The following SUSD5 variants were observed in gnomAD, a reference collection of about 807,000 sequenced individuals.
SUSD5 encodes the protein sushi domain containing 5.
SUSD5 carries 33 observed loss-of-function variants against 29.5 expected under a neutral mutation model. The ratio of observed to expected loss-of-function variants is 1.12; its 90% CI spans 0.85 to 1.49. The LOEUF is 1.49. SUSD5 is among the 40% of genes most tolerant of loss of function. The pLI is 0.00. For missense variants in SUSD5, 776 were observed against 800.6 expected (o/e 0.97, Z 0.37); for synonymous variants, 308 against 325.3 (o/e 0.95, Z 0.57).
intron 4 of SUSD5, among the ~76,000 whole-genome samples, chr3:33,171,296 G>A (rs527327239): frequency 4.6e-5 from 7 of 151,748 alleles, no homozygotes; most frequent in African/African-American, 1.5e-4. Context: ...GCGGTGAGCC[G>A]AGATCATGCC....
intron 3 of SUSD5, among the ~76,000 whole-genome samples, chr3:33,202,358 A>C (rs1419005887): frequency 6.6e-6 from 1 of 152,074 alleles, no homozygotes; most frequent in Non-Finnish European, 1.5e-5. Context: ...GAAATTAGCT[A>C]CTCTCAAAAA....
intron 4 of SUSD5, among the ~76,000 whole-genome samples, chr3:33,171,555 C>T (rs977915504): frequency 1.3e-5 from 2 of 152,154 alleles, no homozygotes; most frequent in Non-Finnish European, 1.5e-5. Flanking sequence ...CTCTTTGGAC[C>T]TCTGATCTTC....
chr3:33,199,880 G>T (rs150451031), intron 3 of SUSD5, among the ~76,000 whole-genome samples: 65 of 152,284 alleles, frequency 4.3e-4, no homozygotes, highest in African/African-American at 1.5e-3. Flanking sequence ...GGCCAGGAGG[G>T]CTCCACTTTC....
intron 4 of SUSD5, among the ~76,000 whole-genome samples, chr3:33,163,925 G>A (rs563891538): frequency 5.3e-5 from 8 of 152,232 alleles, no homozygotes; most frequent in East Asian, 3.9e-4. Flanking sequence ...GTGTGAACCC[G>A]GGAGGCGGAG....
intron 3 of SUSD5, among the ~76,000 whole-genome samples, chr3:33,178,068 A>G (rs1285642090): frequency 6.6e-6 from 1 of 152,174 alleles, no homozygotes; most frequent in East Asian, 1.9e-4. Flanking sequence ...GAAAGCTTCA[A>G]ATTTCTACCC....
At chr3:33,178,504 T>C (rs1034447201) in intron 3 of SUSD5, among the ~76,000 whole-genome samples, 11 of 151,966 alleles carry the variant, frequency 7.2e-5, no homozygotes, top group African/African-American at 2.7e-4. Flanking sequence ...TGGAGTGCAG[T>C]GGCGTGATTT....
chr3:33,214,635 A>G (rs1466377495), intron 1 of SUSD5, among the ~76,000 whole-genome samples: 1 of 152,122 alleles, frequency 6.6e-6, no homozygotes, highest in Non-Finnish European at 1.5e-5. Flanking sequence ...CTACTGCACA[A>G]GAAAACAGGG....
In SUSD5 at chr3:33,193,417, T is replaced by A. The variant is rs183250972; in HGVS notation, c.409+14391A>T. 7.9e-5 allele frequency among the ~76,000 whole-genome samples: 12 copies of A among 152,160 alleles called. No homozygotes were observed. The East Asian group carries it at 2.3e-3, about 29-fold the overall frequency. On this transcript the variant is annotated intron_variant, in intron 3 of 4. Coordinates refer to ENST00000309558, the MANE Select transcript of SUSD5 (RefSeq NM_015551.2). ...CTGGCAGATACTGAAAAGGGAAGTT[T>A]TTACAGAACATTTAACTACAAGGTG... is the stretch of plus-strand genomic sequence containing the variant.
chr3:33,210,186 C>T (rs2032296094), intron 2 of SUSD5, among the ~76,000 whole-genome samples: 1 of 152,186 alleles, frequency 6.6e-6, no homozygotes, highest in South Asian at 2.1e-4. Context: ...ATTTGATTCT[C>T]CTAGACATCT....
At chr3:33,157,900 T>G (rs1259540323) in intron 4 of SUSD5, among the ~76,000 whole-genome samples, 2 of 152,242 alleles carry the variant, frequency 1.3e-5, no homozygotes, top group Non-Finnish European at 2.9e-5. Context: ...TGGAGCAGAA[T>G]AAATTGTTGT....
intron 3 of SUSD5, among the ~76,000 whole-genome samples, chr3:33,195,892 A>C (rs1250461789): frequency 2.0e-5 from 3 of 152,192 alleles, no homozygotes; most frequent in Non-Finnish European, 4.4e-5. Context: ...AATTTTCTTT[A>C]TACTTTCCAC....
intron 2 of SUSD5, among the ~76,000 whole-genome samples, chr3:33,210,557 C>T (rs975451651): frequency 6.6e-6 from 1 of 152,186 alleles, no homozygotes; most frequent in Non-Finnish European, 1.5e-5. Context: ...TATGTGTACA[C>T]TCAACATAAA....
intron 2 of SUSD5, among the ~76,000 whole-genome samples, chr3:33,213,438 A>C (rs1225188700): frequency 6.6e-6 from 1 of 152,138 alleles, no homozygotes; most frequent in Non-Finnish European, 1.5e-5. Context: ...ATAACAAAGT[A>C]AGGGGATAAA....
At chr3:33,168,406 G>C (rs905501455) in intron 4 of SUSD5, 3 of 614,802 alleles carry the variant, frequency 4.9e-6, no homozygotes, top group Non-Finnish European at 6.1e-6. Context: ...TCAGTCTCAT[G>C]CCTTCTTCTA....
At chr3:33,199,475 G>A (rs1304414031) in intron 3 of SUSD5, among the ~76,000 whole-genome samples, 8 of 152,032 alleles carry the variant, frequency 5.3e-5, no homozygotes, top group Non-Finnish European at 8.8e-5. Context: ...GGGTTTCACC[G>A]TGTTAGCCAG....
At chr3:33,202,745 T>C (rs1242345118) in intron 3 of SUSD5, among the ~76,000 whole-genome samples, 1 of 152,160 alleles carries the variant, frequency 6.6e-6, no homozygotes, top group Non-Finnish European at 1.5e-5. Context: ...ACTTCACTTA[T>C]TAGTTTAAGT....
At chr3:33,210,548 ATGTGT>A (rs2032304131) in intron 2 of SUSD5, among the ~76,000 whole-genome samples, 1 of 152,208 alleles carries the variant, frequency 6.6e-6, no homozygotes, top group Non-Finnish European at 1.5e-5. Context: ...CTCTGGATTT[ATGTGT>A]ACACTCAACA....
chr3:33,154,424 G>A (rs1390463360), intron 4 of SUSD5, among the ~76,000 whole-genome samples: 3 of 152,190 alleles, frequency 2.0e-5, no homozygotes, highest in African/African-American at 7.2e-5. Flanking sequence ...TCAGGAGGAT[G>A]AGACATGAGA....
intron 3 of SUSD5, among the ~76,000 whole-genome samples, chr3:33,205,276 G>T (rs2032196989): frequency 6.6e-6 from 1 of 152,088 alleles, no homozygotes. Flanking sequence ...TACAATCCAG[G>T]ATCACGAATT....
Sources: gnomAD v4.1 joint callset for allele counts (sites outside exome capture counted in the v4.1 genomes callset) on GRCh38, gnomAD v4.1.1 for gene constraint, MANE v1.5 for transcripts, NCBI Gene and HGNC (gene_info 2026-07-23, HGNC 2026-07-21) for gene names.